Variants in MTREX observed in about 807,000 individuals in gnomAD.
MTREX encodes Mtr4 exosome RNA helicase.
A neutral mutation model predicts 135.4 loss-of-function variants in MTREX; 76 were observed. The observed-to-expected ratio is 0.56, with a 90% CI of 0.47 to 0.68. The LOEUF (loss-of-function observed/expected upper bound fraction) is 0.68. MTREX is among the 30% of genes least tolerant of loss of function. MTREX has a pLI of 0.00. For missense variants in MTREX, 920 were observed against 1,262.1 expected (o/e 0.73, Z 4.11); for synonymous variants, 404 against 401.6 (o/e 1.01, Z -0.07).
intron 1 of MTREX, among the ~76,000 whole-genome samples, 190 bp downstream of exon 1, chr5:55,308,337 T>A (rs1242164872): frequency 6.6e-6 from 1 of 152,018 alleles, no homozygotes; most frequent in African/African-American, 2.4e-5. Context: ...TGGCGTTTCC[T>A]GGTGTCTGCA....
chr5:55,364,011 G>A (rs1750056363), intron 15 of MTREX, among the ~76,000 whole-genome samples: 1 of 152,108 alleles, frequency 6.6e-6, no homozygotes, highest in South Asian at 2.1e-4. Flanking sequence ...TCTAGTTCAG[G>A]GAAATTTGAG....
At chr5:55,376,357 CA>C (rs1224012757) in intron 16 of MTREX, among the ~76,000 whole-genome samples, 3 of 152,216 alleles carry the variant, frequency 2.0e-5, no homozygotes, top group Non-Finnish European at 4.4e-5. Context: ...ATCTCCAAGC[CA>C]AATAACAGAC....
chr5:55,325,472 C>T (rs1463852378), intron 3 of MTREX, among the ~76,000 whole-genome samples: 1 of 151,372 alleles, frequency 6.6e-6, no homozygotes, highest in African/African-American at 2.4e-5. Flanking sequence ...GCTGGGATTA[C>T]AGGTGCGTGC....
chr5:55,346,409 G>C (rs1464045159), intron 10 of MTREX, among the ~76,000 whole-genome samples: 1 of 152,186 alleles, frequency 6.6e-6, no homozygotes, highest in African/African-American at 2.4e-5. Flanking sequence ...AAATGAAACA[G>C]ATTATGTATT....
At chr5:55,380,984 T>C (rs748010239) in intron 18 of MTREX, among the ~76,000 whole-genome samples, 6 of 152,226 alleles carry the variant, frequency 3.9e-5, no homozygotes, top group Non-Finnish European at 1.5e-5. Flanking sequence ...TCTTTATGGG[T>C]ACTTTACTAA....
At chr5:55,384,188 A>G (rs796448666) in intron 18 of MTREX, among the ~76,000 whole-genome samples, 5 of 151,994 alleles carry the variant, frequency 3.3e-5, no homozygotes, top group African/African-American at 1.2e-4. Flanking sequence ...GTTCATTTTT[A>G]TTTGTTTGTT....
chr5:55,319,961 T>TTACA (rs1749261600), intron 1 of MTREX, among the ~76,000 whole-genome samples: 1 of 152,176 alleles, frequency 6.6e-6, no homozygotes, highest in African/African-American at 2.4e-5. Context: ...TAATAGAATG[T>TTACA]TACACCTAGA....
rs1240904218 is a variant in MTREX, at chr5:55,397,399, T to A, written c.2182-17T>A. On this transcript the variant is annotated splice_polypyrimidine_tract_variant and intron_variant, in intron 19 of 26. Transcript: ENST00000230640. ...GTGCAAATTTAACTGTAATACTGTA[T>A]AACTTTTTGGTCATAGGTTGTCCCA... 1 of 1,545,358 alleles carries A rather than the reference T, an allele frequency of 6.5e-7. No homozygotes were observed. Among genetic ancestry groups the A allele is most frequent in the Non-Finnish European group, 8.9e-7 (1 of 1,122,294 alleles).
chr5:55,318,576 T>C (rs555075531), intron 1 of MTREX, among the ~76,000 whole-genome samples: 66 of 152,200 alleles, frequency 4.3e-4, no homozygotes, highest in Middle Eastern at 6.8e-3. Flanking sequence ...AGATAACTTA[T>C]GAACACAGAG....
At chr5:55,404,657 G>T (rs1445888692) in intron 21 of MTREX, among the ~76,000 whole-genome samples, 1 of 152,082 alleles carries the variant, frequency 6.6e-6, no homozygotes, top group African/African-American at 2.4e-5. Flanking sequence ...CCTGTCTTGG[G>T]AGAGCCTATC....
chr5:55,410,249 G>A (rs932818563), intron 22 of MTREX, among the ~76,000 whole-genome samples: 12 of 151,980 alleles, frequency 7.9e-5, no homozygotes, highest in Non-Finnish European at 1.2e-4. Context: ...ATTTTTCCTA[G>A]CATACTAAAG....
intron 1 of MTREX, among the ~76,000 whole-genome samples, chr5:55,312,754 C>T (rs1749135574): frequency 6.6e-6 from 1 of 152,130 alleles, no homozygotes; most frequent in African/African-American, 2.4e-5. Flanking sequence ...GTTACGTTTT[C>T]TGAAACTTGG....
At chr5:55,395,570 T>G (rs554255490) in intron 19 of MTREX, among the ~76,000 whole-genome samples, 118 of 152,274 alleles carry the variant, frequency 7.7e-4, no homozygotes, top group African/African-American at 2.8e-3. Context: ...AGGCTCTCCC[T>G]ACAAATTTCT....
chr5:55,391,975 C>T (rs1023881157), intron 19 of MTREX, among the ~76,000 whole-genome samples: 2 of 152,176 alleles, frequency 1.3e-5, no homozygotes, highest in Admixed American at 1.3e-4. Flanking sequence ...CTTCCTTTCT[C>T]CCACTACAAA....
intron 2 of MTREX, 21 bp downstream of exon 2, chr5:55,322,485 A>G: frequency 6.5e-7 from 1 of 1,547,990 alleles, no homozygotes; most frequent in Admixed American, 2.1e-5. Context: ...CAAAGTCCTA[A>G]ATGTTAGTAA....
intron 11 of MTREX, 35 bp from the exon 12 acceptor site, chr5:55,349,538 T>C (rs1193327798): frequency 8.7e-7 from 1 of 1,153,162 alleles, no homozygotes; most frequent in African/African-American, 1.5e-5. Flanking sequence ...CACTAACTCA[T>C]TTTGATATTT....
Position 55,340,060 on chromosome 5 carries a change from G to A in MTREX, c.566G>A (p.Ser189Asn). The A allele has an allele frequency of 6.3e-7, 1 of 1,595,994 alleles. No homozygotes were observed. The highest frequency in any genetic ancestry group is 8.5e-7 in the Non-Finnish European group (1 of 1,171,780). ...GAAAAGCAGCGTGTAATATTTACCA[G>A]CCCAATTAAGGCTCTGAGTAACCAA... ...LREKQRVIFT[S>N]PIKALSNQKY... The change falls in exon 6 of 27, where the codon AGC becomes AAC. Residue 189 changes from serine to asparagine, a missense_variant. By Grantham distance (46) the Ser-to-Asn change is conservative (BLOSUM62 1). Transcript: ENST00000230640.
chr5:55,410,761 C>CT lies in MTREX; in HGVS notation c.2751+135dup, dbSNP rs573814656. On this transcript the variant is annotated intron_variant, in intron 23 of 26. Coordinates refer to ENST00000230640, the MANE Select transcript of MTREX (RefSeq NM_015360.5). The stretch of plus-strand genomic sequence containing the variant: ...TAATGTTAATTGGAAATCACAGCAA[C>CT]TTTAACACAAATGTACTAAGAAAAT... 916 of 444,760 alleles carry CT rather than the reference C, an allele frequency of 2.1e-3. 4 individuals are homozygous for CT. Among genetic ancestry groups the CT allele is most frequent in the South Asian group, 4.3e-3 (64 of 14,806 alleles). 27.6% of individuals were successfully genotyped at this position (444,760 alleles called of 1,614,324 possible). A position where few individuals can be genotyped will look rare whatever the true frequency, so the allele number is the denominator to read the frequency against.
intron 5 of MTREX, among the ~76,000 whole-genome samples, chr5:55,330,339 G>T (rs374149791): frequency 6.6e-6 from 1 of 152,016 alleles, no homozygotes; most frequent in East Asian, 1.9e-4. Context: ...CTCTCCCAAA[G>T]TGCTGGGCTT....
Sources: allele counts gnomAD v4.1 joint callset (sites outside exome capture counted in the v4.1 genomes callset), GRCh38; gene constraint gnomAD v4.1.1; transcripts MANE v1.5; gene names NCBI Gene and HGNC (gene_info 2026-07-23, HGNC 2026-07-21).